ZNF385B: variants seen among roughly 807,000 people sequenced by gnomAD.
ZNF385B encodes the protein zinc finger protein 533.
Under a neutral mutation model 39.2 loss-of-function variants are expected in ZNF385B, and 23 were observed. The observed-to-expected ratio is 0.59, with a 90% CI of 0.42 to 0.83. ZNF385B has a LOEUF of 0.83. ZNF385B is among the 40% of genes least tolerant of loss of function. The pLI is 0.00. For missense variants in ZNF385B, 552 were observed against 598.9 expected, an observed-to-expected ratio of 0.92 and a Z score of 0.82; for synonymous variants, 205 against 222.6, an observed-to-expected ratio of 0.92 and a Z score of 0.70.
At chr2:179,820,914 G>T (rs1176836119) in intron 1 of ZNF385B, among the ~76,000 whole-genome samples, 1 of 151,930 alleles carries the variant, frequency 6.6e-6, no homozygotes, top group Non-Finnish European at 1.5e-5. Context: ...ATTAGCTATT[G>T]GTAAGTCTAC....
intron 3 of ZNF385B, among the ~76,000 whole-genome samples, chr2:179,559,158 A>G (rs1305784952): frequency 6.6e-6 from 1 of 152,206 alleles, no homozygotes; most frequent in Non-Finnish European, 1.5e-5. Flanking sequence ...TCTGTATAAA[A>G]TGAAGTAGAG....
intron 5 of ZNF385B, among the ~76,000 whole-genome samples, chr2:179,504,770 G>T (rs865884789): frequency 2.0e-5 from 3 of 151,118 alleles, no homozygotes; most frequent in Non-Finnish European, 4.4e-5. Flanking sequence ...TAACAAACCC[G>T]CACGTTGTGC....
In ZNF385B at chr2:179,613,769, C is replaced by G. The variant is rs999937389; in HGVS notation, c.299-68800G>C. ...TCCTTGGCCAACCCAGCTCATTCCTCACTAGCACCAGGACTTGCCCAAGAA... is the reference window on the plus strand; with the variant it reads ...TCCTTGGCCAACCCAGCTCATTCCTGACTAGCACCAGGACTTGCCCAAGAA... On this transcript the variant is annotated intron_variant, in intron 3 of 9. Coordinates refer to ENST00000410066, the MANE Select transcript of ZNF385B (RefSeq NM_152520.6). Among the ~76,000 whole-genome samples, 11 of 152,036 alleles carry G rather than the reference C, an allele frequency of 7.2e-5. 1 individual carries two copies. Among genetic ancestry groups the G allele is most frequent in the African/African-American group, 2.7e-4 (11 of 41,380 alleles).
chr2:179,467,723 C>A (rs984554724), intron 6 of ZNF385B, among the ~76,000 whole-genome samples: 8 of 151,884 alleles, frequency 5.3e-5, no homozygotes, highest in African/African-American at 1.9e-4. Flanking sequence ...ATTTTCATAT[C>A]TTGACTTTTA....
At chr2:179,662,773 G>T (rs1051846788) in intron 3 of ZNF385B, among the ~76,000 whole-genome samples, 1 of 151,842 alleles carries the variant, frequency 6.6e-6, no homozygotes, top group Non-Finnish European at 1.5e-5. Flanking sequence ...ACTAATATTT[G>T]CTTTTTATCT....
intron 3 of ZNF385B, among the ~76,000 whole-genome samples, chr2:179,622,058 C>G (rs1257910928): frequency 6.6e-6 from 1 of 152,104 alleles, no homozygotes; most frequent in African/African-American, 2.4e-5. Flanking sequence ...AGTTACAGCT[C>G]CTCAGCCTGG....
intron 3 of ZNF385B, among the ~76,000 whole-genome samples, chr2:179,568,225 C>CAT (rs1335757056): frequency 6.6e-6 from 1 of 152,200 alleles, no homozygotes; most frequent in African/African-American, 2.4e-5. Context: ...TCCCTGCTCC[C>CAT]ATTTCAGTTG....
At chr2:179,722,580 G>T (rs1437716070) in intron 3 of ZNF385B, among the ~76,000 whole-genome samples, 1 of 152,062 alleles carries the variant, frequency 6.6e-6, no homozygotes, top group East Asian at 1.9e-4. Flanking sequence ...CACAAAAACA[G>T]TTACTGGTAA....
At chr2:179,733,660 G>A (rs368224442) in intron 3 of ZNF385B, among the ~76,000 whole-genome samples, 1 of 152,120 alleles carries the variant, frequency 6.6e-6, no homozygotes, top group African/African-American at 2.4e-5. Context: ...GCGGGTGCCT[G>A]TAGTCCCAGC....
intron 4 of ZNF385B, among the ~76,000 whole-genome samples, chr2:179,538,276 A>C (rs1336762098): frequency 6.6e-6 from 1 of 152,178 alleles, no homozygotes; most frequent in Admixed American, 6.5e-5. Flanking sequence ...TAAATTTAAA[A>C]ATATACAAAT....
chr2:179,583,999 A>G (rs1194441174), intron 3 of ZNF385B: 2 of 1,207,720 alleles, frequency 1.7e-6, no homozygotes, highest in African/African-American at 3.1e-5. Flanking sequence ...GTGCCAAACA[A>G]CCTGCTACTT....
chr2:179,663,439 G>A (rs914017101), intron 3 of ZNF385B, among the ~76,000 whole-genome samples: 11 of 152,174 alleles, frequency 7.2e-5, no homozygotes, highest in Admixed American at 2.0e-4. Flanking sequence ...CGCTAGGCGC[G>A]GTGGCTCACG....
At chr2:179,813,532 G>A (rs1706868531) in intron 1 of ZNF385B, among the ~76,000 whole-genome samples, 1 of 152,130 alleles carries the variant, frequency 6.6e-6, no homozygotes, top group Non-Finnish European at 1.5e-5. Context: ...AACGTCTTCA[G>A]GGAAGGTGGA....
chr2:179,458,842 T>C (rs13419089), intron 6 of ZNF385B, among the ~76,000 whole-genome samples: 8,585 of 152,300 alleles, frequency 0.056, 281 homozygotes, highest in Middle Eastern at 0.12. Context: ...CTTAAGATTG[T>C]ATTTAAGCCT....
At chr2:179,466,492 G>A (rs2052034008) in intron 6 of ZNF385B, among the ~76,000 whole-genome samples, 1 of 152,038 alleles carries the variant, frequency 6.6e-6, no homozygotes, top group Admixed American at 6.6e-5. Context: ...TATTCTGTTT[G>A]GAAATTCATC....
At chr2:179,748,692 T>C (rs1417409642) in intron 3 of ZNF385B, among the ~76,000 whole-genome samples, 3 of 152,164 alleles carry the variant, frequency 2.0e-5, no homozygotes, top group Non-Finnish European at 4.4e-5. Flanking sequence ...AAAACAAATG[T>C]TCTCAAAAAA....
At chr2:179,586,006 T>G (rs1687038956) in intron 3 of ZNF385B, 1 of 152,258 alleles carries the variant, frequency 6.6e-6, no homozygotes, top group Admixed American at 6.5e-5. Context: ...GACTTTTCCA[T>G]TTGTTCCAAT....
intron 5 of ZNF385B, among the ~76,000 whole-genome samples, chr2:179,518,099 C>G (rs1476963338): frequency 6.6e-6 from 1 of 151,984 alleles, no homozygotes; most frequent in African/African-American, 2.4e-5. Flanking sequence ...TTCTGATATT[C>G]AAGCATTTTT....
At chr2:179,823,512 G>T (rs2106586556) in intron 1 of ZNF385B, among the ~76,000 whole-genome samples, 1 of 152,124 alleles carries the variant, frequency 6.6e-6, no homozygotes, top group South Asian at 2.1e-4. Context: ...TCTTAGTACA[G>T]AATACTAATC....
Sources: gnomAD v4.1 joint callset for allele counts (sites outside exome capture counted in the v4.1 genomes callset) on GRCh38, gnomAD v4.1.1 for gene constraint, MANE v1.5 for transcripts, NCBI Gene and HGNC (gene_info 2026-07-23, HGNC 2026-07-21) for gene names.